The following SLC4A2 variants were observed in gnomAD, a reference collection of about 807,000 sequenced individuals.
SLC4A2 encodes anion exchange protein 2.
Under a neutral mutation model 115.0 loss-of-function variants are expected in SLC4A2, and 36 were observed. That is an observed-to-expected ratio of 0.31 (90% CI 0.24 to 0.41). The LOEUF (loss-of-function observed/expected upper bound fraction) is 0.41, where lower values mean the gene tolerates loss of function less well. Ranked by LOEUF, SLC4A2 falls within the 10% of genes least tolerant of loss-of-function variation. The pLI, the probability that SLC4A2 is intolerant of heterozygous loss-of-function variation, is 1.00. For missense variants in SLC4A2, 1,252 were observed against 1,705.6 expected, an observed-to-expected ratio of 0.73 and a Z score of 4.68; for synonymous variants, 708 against 708.3, an observed-to-expected ratio of 1.00 and a Z score of 0.01.
At chr7:151,063,107 A>G in intron 2 of SLC4A2, 1 of 1,501,230 alleles carries the variant, frequency 6.7e-7, no homozygotes, top group Non-Finnish European at 8.9e-7. Context: ...GCTGCCGCTT[A>G]GCTGGGCTGA....
At chr7:151,065,193 A>C (rs1797189587) in intron 5 of SLC4A2, among the ~76,000 whole-genome samples, 1 of 152,182 alleles carries the variant, frequency 6.6e-6, no homozygotes, top group African/African-American at 2.4e-5. Flanking sequence ...TGTAGGGATT[A>C]AGGGTGGTGT....
chr7:151,066,594 C>T lies in SLC4A2; in HGVS notation c.656C>T (p.Ser219Leu), dbSNP rs999056267. 13 of 1,547,682 alleles carry T rather than the reference C, an allele frequency of 8.4e-6. No individual in the cohort carries two copies. The highest frequency in any genetic ancestry group is 5.9e-5 in the Admixed American group (3 of 50,812). Residue 219 changes from serine to leucine, a missense_variant, in exon 6 of 23, where the codon TCG (serine) becomes TTG (leucine). Ser to Leu is a moderately radical substitution (Grantham distance 145, BLOSUM62 -2). Coordinates refer to ENST00000413384, the MANE Select transcript of SLC4A2 (RefSeq NM_003040.4). ...GCAGGGGGTGACGACGGGGGTGCCT[C>T]GGGGCGCCCCCTGCCCAAAGCCCAG... ...GTAGGDDGGA[S>L]GRPLPKAQPG...
chr7:151,066,954 A>G lies in SLC4A2; in HGVS notation c.927A>G (p.Thr309=), dbSNP rs751245598. The change falls in exon 7 of 23, where the codon ACA becomes ACG. Residue 309 remains threonine, a synonymous_variant. Coordinates refer to ENST00000413384, the MANE Select transcript of SLC4A2 (RefSeq NM_003040.4). Reference sequence around the variant, plus strand: ...GAGAAGGGCGGGAGCCTGGCCCCACACCTCGGGCCCGACCCCGGGCCCCCC... The same window carrying G: ...GAGAAGGGCGGGAGCCTGGCCCCACGCCTCGGGCCCGACCCCGGGCCCCCC... ...SGREGREPGP[T]PRARPRAPHK... 3.1e-6 allele frequency: 5 copies of G among 1,611,180 alleles called. No homozygotes were observed. In the Admixed American group the frequency reaches 5.1e-5, roughly 16 times the overall value.
Position 151,066,646 on chromosome 7 carries a change from G to GGA in SLC4A2, c.712_713dup (p.Arg239GlyfsTer7). 1 of 1,550,706 alleles carries GGA rather than the reference G, an allele frequency of 6.4e-7. No individual in the cohort carries two copies. Among genetic ancestry groups the GGA allele is most frequent in the Non-Finnish European group, 8.7e-7 (1 of 1,147,016 alleles). The stretch of plus-strand genomic sequence containing the variant: ...CTGGGCACCGCAGCTACAACCTTCA[G>GGA]GAGAGGAGGCGCATCGGGAGCATGA... On this transcript the variant is annotated frameshift_variant, in exon 6 of 23. Transcript: ENST00000413384. LOFTEE classifies it high-confidence loss of function.
At chr7:151,072,616 G>A (rs1200276316) in intron 16 of SLC4A2, among the ~76,000 whole-genome samples, 2 of 150,862 alleles carry the variant, frequency 1.3e-5, no homozygotes, top group East Asian at 2.0e-4. Context: ...ACAGCAACTC[G>A]AACTAGACAG....
At chr7:151,062,097 T>G in intron 2 of SLC4A2, 59 bp downstream of exon 2, 1 of 1,468,776 alleles carries the variant, frequency 6.8e-7, no homozygotes, top group Admixed American at 1.8e-5. Flanking sequence ...CCTTGGGTGC[T>G]CCGGCCAAGG....
rs1797017696 is a variant in SLC4A2, at chr7:151,060,744, G to C, written c.-64+982G>C. 6.6e-6 allele frequency among the ~76,000 whole-genome samples: 1 copy of C among 152,214 alleles called. No homozygotes were observed. Among genetic ancestry groups the C allele is most frequent in the Non-Finnish European group, 1.5e-5 (1 of 68,036 alleles). On this transcript the variant is annotated intron_variant, in intron 1 of 22. Transcript: ENST00000413384. This position sits in a 1 kb window ranked among gnomAD's most constrained non-coding sequence, Gnocchi z 5.9. ...CCCACACCACCCGCCCTGGCTGAAG[G>C]CCTGCTGAGGGGGAGGGGAAGAGCG...
chr7:151,069,163 G>C (rs993044530), intron 8 of SLC4A2, among the ~76,000 whole-genome samples: 2 of 25,604 alleles, frequency 7.8e-5, no homozygotes, highest in African/African-American at 2.6e-4. Context: ...AAAAAAAGCA[G>C]CTGAGGACCT....
At chr7:151,065,009 C>A in intron 5 of SLC4A2, 43 bp downstream of exon 5, 1 of 1,286,178 alleles carries the variant, frequency 7.8e-7, no homozygotes, top group Non-Finnish European at 1.1e-6. Flanking sequence ...AGACACTTCC[C>A]CTGCTAGGAT....
At chr7:151,063,293 A>C in intron 2 of SLC4A2, 2 of 924,056 alleles carry the variant, frequency 2.2e-6, no homozygotes, top group Non-Finnish European at 3.1e-6. Context: ...GCTGAAGGGC[A>C]TCCATTCCGG....
intron 8 of SLC4A2, 101 bp downstream of exon 8, chr7:151,068,155 G>A: frequency 1.1e-6 from 1 of 886,818 alleles, no homozygotes; most frequent in Non-Finnish European, 1.6e-6. Flanking sequence ...GACAGCCCCA[G>A]AGCCCAGAGG....
intron 1 of SLC4A2, chr7:151,061,242 A>C (rs1584979914): frequency 8.3e-6 from 1 of 119,804 alleles, no homozygotes; most frequent in Admixed American, 8.7e-5. Flanking sequence ...GCCCATGCCC[A>C]CCTTCTGTGC....
chr7:151,076,161 T>TCTTCACCGAC lies in SLC4A2; in HGVS notation c.3622_3631dup (p.Arg1211LeufsTer12). The TCTTCACCGAC allele has an allele frequency of 6.2e-7, 1 of 1,610,950 alleles. No homozygotes were observed. The highest frequency in any genetic ancestry group is 8.5e-7 in the Non-Finnish European group (1 of 1,179,912). ...CTCCGCATGGTGGTGCTCACCCGTA[T>TCTTCACCGAC]CTTCACCGACCGAGAGATGAAATGT... On this transcript the variant is annotated frameshift_variant, in exon 22 of 23. Transcript: ENST00000413384. LOFTEE classifies it high-confidence loss of function.
chr7:151,064,940 T>C lies in SLC4A2; in HGVS notation c.552T>C (p.Pro184=). The part of the protein sequence containing the change: ...PAPLPHQEAT[P]RASKGAQAGT... ...CACTGCCCCACCAGGAGGCGACTCC[T>C]CGGGCCTCCAAAGGGGCCCAGGCTG... is the stretch of plus-strand genomic sequence containing the variant. Residue 184 remains proline (P), a synonymous_variant, in exon 5 of 23, where the codon CCT becomes CCC. Transcript: ENST00000413384. 2.5e-6 allele frequency: 4 copies of C among 1,613,568 alleles called. No individual in the cohort carries two copies. In the South Asian group the frequency reaches 3.3e-5, roughly 13 times the overall value.
chr7:151,064,981 A>G lies in SLC4A2; in HGVS notation c.578+15A>G, dbSNP rs779868970. ...GCCCAGGCTGGGTAAGTACACCCCA[A>G]TCAACAGTGTCCCCAACAGACACTT... On this transcript the variant is annotated intron_variant, in intron 5 of 22. Coordinates refer to ENST00000413384, the MANE Select transcript of SLC4A2 (RefSeq NM_003040.4). 2.7e-6 allele frequency: 4 copies of G among 1,498,208 alleles called. No individual in the cohort carries two copies. The highest frequency in any genetic ancestry group is 3.7e-6 in the Non-Finnish European group (4 of 1,074,792). The allele number at this position is 1,498,208 out of a possible 1,614,324, so 92.8% of individuals were successfully genotyped here.
At chr7:151,073,501 T>A (rs1317439587) in intron 16 of SLC4A2, among the ~76,000 whole-genome samples, 1 of 152,100 alleles carries the variant, frequency 6.6e-6, no homozygotes, top group Non-Finnish European at 1.5e-5. Flanking sequence ...ACTCCTGACC[T>A]CAAGTGATCT....
rs576277176 is a variant in SLC4A2 at position 151,070,470 on chromosome 7, C to T, written c.1463C>T (p.Pro488Leu). The change falls in exon 11 of 23, where the codon CCT (proline) becomes CTT (leucine). Residue 488 changes from proline to leucine, a missense_variant. By Grantham distance (98) the Pro-to-Leu change is moderately conservative. Coordinates refer to ENST00000413384, the MANE Select transcript of SLC4A2 (RefSeq NM_003040.4). Reference sequence around the variant, plus strand: ...TGTGTCCCCCAGCGTGAGCTGCCGCCTCCAGCACCACCAGCTGGCATCACC... The same window carrying T: ...TGTGTCCCCCAGCGTGAGCTGCCGCTTCCAGCACCACCAGCTGGCATCACC... ...LEVERERELPPPAPPAGITRS... is the reference protein window; with the variant it reads ...LEVERERELPLPAPPAGITRS... The T allele has an allele frequency of 6.2e-7, 1 of 1,612,922 alleles. No individual in the cohort carries two copies. The highest frequency in any genetic ancestry group is 1.3e-5 in the African/African-American group (1 of 75,014).
At chr7:151,069,856 C>G in intron 8 of SLC4A2, 91 bp from the exon 9 acceptor site, 1 of 1,519,640 alleles carries the variant, frequency 6.6e-7, no homozygotes, top group Non-Finnish European at 9.1e-7. Context: ...CGGCACCCAC[C>G]CACCTGTCCC....
intron 5 of SLC4A2, 141 bp from the exon 6 acceptor site, chr7:151,066,376 C>G: frequency 2.0e-6 from 2 of 1,004,134 alleles, no homozygotes; most frequent in East Asian, 2.7e-5. Flanking sequence ...TCCCCCTCCC[C>G]GTGCCCGCAC....
Sources: gnomAD v4.1 joint callset for allele counts (sites outside exome capture counted in the v4.1 genomes callset) on GRCh38, gnomAD v4.1.1 for gene constraint, Gnocchi (gnomAD v3.1) non-coding constraint, MANE v1.5 for transcripts, NCBI Gene and HGNC (gene_info 2026-07-23, HGNC 2026-07-21) for gene names.